KIF25: variants seen among roughly 807,000 people sequenced by gnomAD.
KIF25 encodes the protein kinesin-like protein KIF25.
KIF25 carries 19 observed loss-of-function variants against 32.9 expected under a neutral mutation model. The observed-to-expected ratio is 0.58, with a 90% CI of 0.40 to 0.85. The LOEUF is 0.85. Among genes scored for constraint, KIF25 ranks in the 40% least tolerant of loss-of-function variants. KIF25 has a pLI of 0.00. For synonymous variants in KIF25, 225 were observed against 213.7 expected (o/e 1.05, Z -0.46); for missense variants, 485 against 507.0 (o/e 0.96, Z 0.42).
chr6:168,041,869 G>C lies in KIF25; in HGVS notation c.647-100G>C. On this transcript the variant is annotated intron_variant, in intron 10 of 12. Transcript: ENST00000643607. ...TACTGGGTGGGAGGTGTGGGCAGGAGGGTGCAGTTCAGAAGCTTCTCGGCT... is the reference window on the plus strand; with the variant it reads ...TACTGGGTGGGAGGTGTGGGCAGGACGGTGCAGTTCAGAAGCTTCTCGGCT... 6 of 1,166,494 alleles carry C rather than the reference G, an allele frequency of 5.1e-6. No individual in the cohort carries two copies. The East Asian group carries it at 1.6e-4, about 30-fold the overall frequency. 72.3% of individuals were successfully genotyped at this position (1,166,494 alleles called of 1,614,324 possible).
chr6:168,017,218 A>G (rs1719945693), intron 4 of KIF25, among the ~76,000 whole-genome samples: 1 of 152,130 alleles, frequency 6.6e-6, no homozygotes, highest in Admixed American at 6.5e-5. Flanking sequence ...CACACACACT[A>G]CTAAGAAGAA....
At chr6:168,041,433 T>C (rs1799117049) in intron 10 of KIF25, among the ~76,000 whole-genome samples, 1 of 152,102 alleles carries the variant, frequency 6.6e-6, no homozygotes, top group South Asian at 2.1e-4. Flanking sequence ...TGGCTGCCAG[T>C]GGTGGTGGGA....
chr6:168,000,962 G>A (rs2843010), intron 2 of KIF25, among the ~76,000 whole-genome samples: 3 of 152,098 alleles, frequency 2.0e-5, no homozygotes, highest in Non-Finnish European at 4.4e-5. Flanking sequence ...CACTTGGCCG[G>A]TTCTACAGTG....
intron 5 of KIF25, among the ~76,000 whole-genome samples, chr6:168,026,380 GTCTA>G (rs1405193557): frequency 2.6e-5 from 4 of 152,192 alleles, no homozygotes; most frequent in African/African-American, 4.8e-5. Context: ...GCAACTTGCT[GTCTA>G]TCTATAGAGT....
chr6:168,026,054 C>CG (rs1798856353), intron 5 of KIF25, among the ~76,000 whole-genome samples: 1 of 151,934 alleles, frequency 6.6e-6, no homozygotes, highest in African/African-American at 2.4e-5. Flanking sequence ...GAGGAAGCTG[C>CG]GGGGGGCACC....
At position 168,042,023 on chromosome 6, in the gene KIF25, C is replaced by A. The variant is rs373765821; in HGVS notation, c.701C>A (p.Ala234Glu). 6 of 1,551,474 alleles carry A rather than the reference C, an allele frequency of 3.9e-6. No homozygotes were observed. The African/African-American group carries it at 8.2e-5, about 21-fold the overall frequency. The change falls in exon 11 of 13, where the codon GCA becomes GAA. Residue 234 changes from alanine to glutamate, a missense_variant. Physicochemically the swap from Ala to Glu is moderately radical, Grantham distance 107. Transcript: ENST00000643607. ...LPREQTEAGR[A>E]GRSRRASQGA... ...AGGGAGCAAACAGAGGCAGGAAGGG[C>A]AGGAAGGAGCCGCAGAGCTTCTCAA...
rs1041671259 is a variant in KIF25, at chr6:168,003,712, C to G, written c.-163+9C>G. ...GAGCAGCTTCCTGCTTGGTGGGTGT[C>G]CGTAGTCCCCACAGATCCCTACAAT... On this transcript the variant is annotated intron_variant, in intron 4 of 12. Transcript: ENST00000643607. The G allele has an allele frequency of 3.3e-5, 5 of 152,166 alleles. No individual in the cohort carries two copies. The highest frequency in any genetic ancestry group is 2.0e-4 in the Admixed American group (3 of 15,284). The allele number at this position is 152,166 out of a possible 1,614,324, so 9.4% of individuals were successfully genotyped here.
chr6:168,039,934 G>C (rs1799090448), intron 9 of KIF25, 131 bp from the exon 10 acceptor site: 2 of 1,138,828 alleles, frequency 1.8e-6, no homozygotes, highest in Non-Finnish European at 2.4e-6. Context: ...TTGTGCCTGA[G>C]ACTGGCTTCA....
chr6:168,042,742 A>G, intron 12 of KIF25, 26 bp downstream of exon 12: 1 of 1,596,324 alleles, frequency 6.3e-7, no homozygotes, highest in Non-Finnish European at 8.5e-7. Flanking sequence ...AAAATGCCCC[A>G]GGATGGGGGA....
intron 10 of KIF25, 123 bp from the exon 11 acceptor site, chr6:168,041,846 C>T (rs1799123735): frequency 2.3e-6 from 2 of 885,582 alleles, no homozygotes; most frequent in South Asian, 3.8e-5. Context: ...CCACTTCTTA[C>T]TGGGTGGGAG....
intron 12 of KIF25, among the ~76,000 whole-genome samples, chr6:168,044,416 C>T (rs112620595): frequency 0.02 from 1,311 of 66,126 alleles, 22 homozygotes; most frequent in East Asian, 0.045. Context: ...CTCCCGGACC[C>T]GGGTGAGGGG....
At chr6:168,035,890 G>T (rs901147826) in intron 8 of KIF25, 2 of 421,750 alleles carry the variant, frequency 4.7e-6, no homozygotes, top group African/African-American at 4.0e-5. Flanking sequence ...CACGGACCGT[G>T]TCCTCCCTCA....
In KIF25 at chr6:168,026,913, C is replaced by T. The variant is rs116050200; in HGVS notation, c.-94-2579C>T. 3.9e-3 allele frequency among the ~76,000 whole-genome samples: 591 copies of T among 152,272 alleles called. 3 individuals carry two copies. The highest frequency in any genetic ancestry group is 0.014 in the African/African-American group (572 of 41,562). On this transcript the variant is annotated intron_variant, in intron 5 of 12. Coordinates refer to ENST00000643607, the MANE Select transcript of KIF25 (RefSeq NM_030615.4). ...CACATTTGTGTGAAATTTCTATAGTCGTTCAAGTTCAAGCATTTTTCTGAG... is the reference window on the plus strand; with the variant it reads ...CACATTTGTGTGAAATTTCTATAGTTGTTCAAGTTCAAGCATTTTTCTGAG...
At chr6:168,034,923 G>A (rs896047403) in intron 8 of KIF25, among the ~76,000 whole-genome samples, 1 of 152,190 alleles carries the variant, frequency 6.6e-6, no homozygotes, top group Non-Finnish European at 1.5e-5. Flanking sequence ...CACTTTGGGA[G>A]GTCGAGGCGG....
intron 2 of KIF25, among the ~76,000 whole-genome samples, chr6:168,001,251 C>T (rs1798497143): frequency 6.6e-6 from 1 of 152,216 alleles, no homozygotes; most frequent in Admixed American, 6.5e-5. Flanking sequence ...ACCGGTTCAG[C>T]AAGATAATCC....
At position 168,040,106 on chromosome 6, in the gene KIF25, GAGGTCTGC is replaced by G. The variant is rs765855182; in HGVS notation, c.539_546del (p.Gly180AlafsTer31). Reference sequence around the variant, plus strand: ...TCGAAACTGATGGAGCTCGTTCATGGAGGTCTGCAGCTCAGGGCGAAGCACCCCACCCT... The same window carrying G: ...TCGAAACTGATGGAGCTCGTTCATGGAGCTCAGGGCGAAGCACCCCACCCT... On this transcript the variant is annotated frameshift_variant, in exon 10 of 13. Coordinates refer to ENST00000643607, the MANE Select transcript of KIF25 (RefSeq NM_030615.4). LOFTEE classifies it high-confidence loss of function. 3.3e-5 allele frequency: 54 copies of G among 1,613,980 alleles called. No individual in the cohort carries two copies. In the African/African-American group the frequency reaches 4.8e-4, roughly 14 times the overall value.
chr6:168,001,118 T>C lies in KIF25; in HGVS notation c.-369-1425T>C, dbSNP rs140342795. Among the ~76,000 whole-genome samples the C allele has an allele frequency of 8.4e-3, 1,273 of 152,376 alleles. 23 individuals are homozygous for C. Among genetic ancestry groups the C allele is most frequent in the African/African-American group, 0.029 (1,208 of 41,586 alleles). ...TTGTCAAAGGACTGGAAATTGGGCC[T>C]GTCGGATACGTCAGTGTGGCGCGGG... is the stretch of plus-strand genomic sequence containing the variant. On this transcript the variant is annotated intron_variant, in intron 2 of 12. Transcript: ENST00000643607.
intron 3 of KIF25, among the ~76,000 whole-genome samples, chr6:168,003,056 C>T (rs1798529308): frequency 6.6e-6 from 1 of 152,194 alleles, no homozygotes; most frequent in African/African-American, 2.4e-5. Context: ...CACTTGCGCA[C>T]CGCTCACCTC....
chr6:168,006,215 T>C (rs562668177), intron 4 of KIF25, among the ~76,000 whole-genome samples: 20 of 151,998 alleles, frequency 1.3e-4, no homozygotes, highest in Non-Finnish European at 2.6e-4. Context: ...TTTCTTTTTT[T>C]TTTTTTTAGC....
Sources: gnomAD v4.1 joint callset for allele counts (sites outside exome capture counted in the v4.1 genomes callset) on GRCh38, gnomAD v4.1.1 for gene constraint, MANE v1.5 for transcripts, NCBI Gene and HGNC (gene_info 2026-07-23, HGNC 2026-07-21) for gene names.